The following CDH1 variants were observed in gnomAD, a reference collection of about 807,000 sequenced individuals.
The protein encoded by CDH1 is cadherin-1.
CDH1 carries 35 observed loss-of-function variants against 84.5 expected under a neutral mutation model. The ratio of observed to expected loss-of-function variants is 0.41; its 90% confidence interval spans 0.32 to 0.55. The LOEUF is 0.55. Ranked by LOEUF, CDH1 falls within the 20% of genes least tolerant of loss-of-function variation. The pLI, the probability that CDH1 is intolerant of heterozygous loss-of-function variation, is 0.19. For synonymous variants in CDH1, 417 were observed against 439.0 expected (o/e 0.95, Z 0.63); for missense variants, 994 against 1,126.6 (o/e 0.88, Z 1.68).
intron 2 of CDH1, chr16:68,765,686 T>C (rs200319725): frequency 1.1e-5 from 1 of 88,216 alleles, no homozygotes; most frequent in African/African-American, 3.5e-5. Flanking sequence ...AGGTGACCTG[T>C]CTCCTTTTTT....
At chr16:68,786,108 G>A (rs779242131) in intron 2 of CDH1, among the ~76,000 whole-genome samples, 2 of 152,116 alleles carry the variant, frequency 1.3e-5, no homozygotes, top group Non-Finnish European at 2.9e-5. Flanking sequence ...GTCAGATTCT[G>A]GCACCTGTGG....
rs2152126685 is a variant in CDH1, at chr16:68,801,722, C to T, written c.216C>T (p.Asp72=). Residue 72 remains aspartate, a synonymous_variant, in exon 3 of 16, where the codon GAC becomes GAT. Transcript: ENST00000261769. ...GRQRTAYFSL[D]TRFKVGTDGV... is the part of the protein sequence containing the mutation. ...AAAGGACAGCCTATTTTTCCCTCGA[C>T]ACCCGATTCAAAGTGGGCACAGATG... The T allele has an allele frequency of 6.2e-7, 1 of 1,614,190 alleles. No homozygotes were observed. The highest frequency in any genetic ancestry group is 1.7e-4 in the Middle Eastern group (1 of 6,060).
At chr16:68,806,717 A>G (rs1960671753) in intron 3 of CDH1, among the ~76,000 whole-genome samples, 1 of 152,218 alleles carries the variant, frequency 6.6e-6, no homozygotes, top group Non-Finnish European at 1.5e-5. Context: ...AGAGAAATTA[A>G]GTAATATCTG....
rs1824814858 is a variant in CDH1 at position 68,737,323 on chromosome 16, C to T, written c.-93C>T. 1 of 1,078,128 alleles carries T rather than the reference C, an allele frequency of 9.3e-7. No homozygotes were observed. Among genetic ancestry groups the T allele is most frequent in the Non-Finnish European group, 1.3e-6 (1 of 752,552 alleles). The allele number at this position is 1,078,128 out of a possible 1,614,324, so 66.8% of individuals were successfully genotyped here. A position where few individuals can be genotyped will look rare whatever the true frequency, so the allele number is the denominator to read the frequency against. ...GTCGGAACTGCAAAGCACCTGTGAG[C>T]TTGCGGAAGTCAGTTCAGACTCCAG... On this transcript the variant is annotated 5_prime_UTR_variant, in exon 1 of 16. Transcript: ENST00000261769.
chr16:68,737,897 G>A (rs1023753611), intron 1 of CDH1, among the ~76,000 whole-genome samples: 1 of 152,222 alleles, frequency 6.6e-6, no homozygotes, highest in Admixed American at 6.5e-5. Context: ...AAGAAAGGTC[G>A]TAAATAGGAG....
intron 2 of CDH1, among the ~76,000 whole-genome samples, chr16:68,746,139 C>T (rs537251568): frequency 2.1e-4 from 32 of 152,318 alleles, no homozygotes; most frequent in Admixed American, 1.6e-3. Flanking sequence ...TTTTTAAAAG[C>T]TCCTCAGGCC....
chr16:68,762,294 C>T (rs565184420), intron 2 of CDH1, among the ~76,000 whole-genome samples: 2 of 152,306 alleles, frequency 1.3e-5, no homozygotes, highest in East Asian at 1.9e-4. Flanking sequence ...TGTCGGGATA[C>T]GTCCTACTCC....
chr16:68,778,692 G>A (rs1480758078), intron 2 of CDH1, among the ~76,000 whole-genome samples: 2 of 152,152 alleles, frequency 1.3e-5, no homozygotes, highest in Non-Finnish European at 2.9e-5. Context: ...ATGAGCCTAA[G>A]CTAATGGCTT....
At chr16:68,778,658 C>T (rs1959796088) in intron 2 of CDH1, among the ~76,000 whole-genome samples, 1 of 152,132 alleles carries the variant, frequency 6.6e-6, no homozygotes, top group Admixed American at 6.5e-5. Context: ...AATCAGAAGG[C>T]AGGCAGGCAG....
intron 2 of CDH1, among the ~76,000 whole-genome samples, chr16:68,799,763 C>T (rs1960448155): frequency 6.6e-6 from 1 of 152,026 alleles, no homozygotes; most frequent in African/African-American, 2.4e-5. Flanking sequence ...CATGTAATCC[C>T]AGCACTTTGG....
chr16:68,763,081 CTTAAT>C (rs1057461501), intron 2 of CDH1, among the ~76,000 whole-genome samples: 4 of 152,070 alleles, frequency 2.6e-5, no homozygotes, highest in African/African-American at 9.7e-5. Flanking sequence ...TAAAAAGTAG[CTTAAT>C]TTAAAGCGTT....
At position 68,834,154 on chromosome 16, in the gene CDH1, G is replaced by A. The variant is rs1376921297; in HGVS notation, c.*655G>A. 1 of 475,972 alleles carries A rather than the reference G, an allele frequency of 2.1e-6. No homozygotes were observed. Among genetic ancestry groups the A allele is most frequent in the African/African-American group, 2.0e-5 (1 of 50,968 alleles). 29.5% of individuals were successfully genotyped at this position (475,972 alleles called of 1,614,324 possible). A position where few individuals can be genotyped will look rare whatever the true frequency, so the allele number is the denominator to read the frequency against. On this transcript the variant is annotated 3_prime_UTR_variant, in exon 16 of 16. Transcript: ENST00000261769. Reference sequence around the variant, plus strand: ...TAAATATTTGAGACGGGGTCTCCCTGTGTTACCCAGGCTGGTCTCAAACTC... The same window carrying A: ...TAAATATTTGAGACGGGGTCTCCCTATGTTACCCAGGCTGGTCTCAAACTC...
intron 2 of CDH1, among the ~76,000 whole-genome samples, chr16:68,767,765 G>A (rs550313878): frequency 1.9e-3 from 286 of 152,152 alleles, no homozygotes; most frequent in Non-Finnish European, 3.4e-3. Flanking sequence ...TCTCAGATAG[G>A]GTTAAGGAAA....
In CDH1 at chr16:68,811,854, C is replaced by T. The variant is rs587780784; in HGVS notation, c.1003C>T (p.Arg335Ter). 4 of 1,613,932 alleles carry T rather than the reference C, an allele frequency of 2.5e-6. No homozygotes were observed. The highest frequency in any genetic ancestry group is 1.1e-5 in the South Asian group (1 of 91,074). Residue 335 changes from arginine to a stop codon, truncating the protein, a stop_gained, in exon 7 of 16, where the codon CGA becomes TGA. Coordinates refer to ENST00000261769, the MANE Select transcript of CDH1 (RefSeq NM_004360.5). LOFTEE classifies it high-confidence loss of function. Reference protein sequence around the residue: ...VISVVTTGLDRESFPTYTLVV... With the variant: ...VISVVTTGLD Reference sequence around the variant, plus strand: ...CAGTGTGGTCACCACTGGGCTGGACCGAGAGGTCAGGGGTCAGGAGGATCC... The same window carrying T: ...CAGTGTGGTCACCACTGGGCTGGACTGAGAGGTCAGGGGTCAGGAGGATCC...
intron 2 of CDH1, among the ~76,000 whole-genome samples, chr16:68,741,194 C>G (rs978432689): frequency 3.3e-5 from 5 of 152,076 alleles, no homozygotes; most frequent in African/African-American, 1.2e-4. Flanking sequence ...ACCCCCACCC[C>G]CACACAACAG....
intron 2 of CDH1, among the ~76,000 whole-genome samples, chr16:68,777,814 C>A (rs544306288): frequency 1.3e-5 from 2 of 152,066 alleles, no homozygotes; most frequent in Admixed American, 6.5e-5. Flanking sequence ...TCACTGCAAC[C>A]TTTGCCTCCC....
intron 13 of CDH1, among the ~76,000 whole-genome samples, chr16:68,824,699 C>A (rs923522008): frequency 3.3e-5 from 5 of 152,202 alleles, no homozygotes; most frequent in Admixed American, 6.5e-5. Context: ...GTCCTTAAAC[C>A]TGTTTCCATT....
rs184874953 is a variant in CDH1, at chr16:68,769,920, A to G, written c.163+31509A>G. 1.4e-4 allele frequency among the ~76,000 whole-genome samples: 21 copies of G among 149,442 alleles called. No individual in the cohort carries two copies. In the East Asian group the frequency reaches 3.5e-3, roughly 25 times the overall value. ...GTCTCAATCTCCTGAGCTCGTCATG[A>G]TCTGCCCACCTCGGCCTCCCAAAGT... On this transcript the variant is annotated intron_variant, in intron 2 of 15. Transcript: ENST00000261769.
chr16:68,799,960 A>G (rs1248964341), intron 2 of CDH1, among the ~76,000 whole-genome samples: 1 of 151,766 alleles, frequency 6.6e-6, no homozygotes, highest in Non-Finnish European at 1.5e-5. Flanking sequence ...CAGTGAGCCG[A>G]GATCGTGCCA....
Sources: allele counts gnomAD v4.1 joint callset (sites outside exome capture counted in the v4.1 genomes callset), GRCh38; gene constraint gnomAD v4.1.1; transcripts MANE v1.5; gene names NCBI Gene and HGNC (gene_info 2026-07-23, HGNC 2026-07-21).